The following GNAQ variants were observed in gnomAD, a reference collection of about 807,000 sequenced individuals.
GNAQ encodes guanine nucleotide-binding protein G(q) subunit alpha.
GNAQ carries 8 observed loss-of-function variants against 43.9 expected under a neutral mutation model. The ratio of observed to expected loss-of-function variants is 0.18; its 90% CI spans 0.11 to 0.33. The LOEUF (loss-of-function observed/expected upper bound fraction) is 0.33, where lower values mean the gene tolerates loss of function less well. Among genes scored for constraint, GNAQ ranks in the 10% least tolerant of loss-of-function variants. GNAQ has a pLI of 1.00. For synonymous variants in GNAQ, 155 were observed against 170.7 expected (o/e 0.91, Z 0.71); for missense variants, 158 against 450.8 (o/e 0.35, Z 5.88).
chr9:77,945,405 A>G (rs2118356524), intron 1 of GNAQ, among the ~76,000 whole-genome samples: 1 of 152,320 alleles, frequency 6.6e-6, no homozygotes, highest in South Asian at 2.1e-4. Flanking sequence ...AACTAAATGT[A>G]CTGCCTCAGG....
At chr9:77,893,294 CTCTGGTCA>C (rs1242019387) in intron 2 of GNAQ, among the ~76,000 whole-genome samples, 5 of 152,162 alleles carry the variant, frequency 3.3e-5, no homozygotes, top group African/African-American at 1.2e-4. Flanking sequence ...TGAAAGTGAG[CTCTGGTCA>C]TCCTCATTGC....
rs148036566 is a variant in GNAQ at position 77,742,761 on chromosome 9, A to C, written c.736-14094T>G. ...GACACAATCAGCTCCTTCTATAGTG[A>C]AGGACTGTGGGGTGGGATGGAAGAT... On this transcript the variant is annotated intron_variant, in intron 5 of 6. Transcript: ENST00000286548. 7.5e-3 allele frequency among the ~76,000 whole-genome samples: 1,146 copies of C among 152,320 alleles called. 9 individuals are homozygous for C. The highest frequency in any genetic ancestry group is 0.01 in the Non-Finnish European group (706 of 68,030).
chr9:77,909,638 A>C (rs907775923), intron 2 of GNAQ, among the ~76,000 whole-genome samples: 4 of 151,864 alleles, frequency 2.6e-5, no homozygotes, highest in African/African-American at 9.7e-5. Flanking sequence ...GATATATGCC[A>C]GTCCTTTCAG....
intron 5 of GNAQ, among the ~76,000 whole-genome samples, chr9:77,755,527 CAT>C (rs1330823891): frequency 1.7e-4 from 26 of 152,216 alleles, no homozygotes; most frequent in Non-Finnish European, 1.9e-4. Context: ...ACTTCAAGGA[CAT>C]ATGTCATGAA....
intron 5 of GNAQ, among the ~76,000 whole-genome samples, chr9:77,779,080 G>C (rs1040654686): frequency 7.2e-5 from 11 of 151,896 alleles, no homozygotes; most frequent in Non-Finnish European, 1.0e-4. Flanking sequence ...ATAATGGCCA[G>C]CTGTTGATTA....
chr9:77,987,130 G>A (rs72738421), intron 1 of GNAQ, among the ~76,000 whole-genome samples: 1,623 of 152,028 alleles, frequency 0.011, 21 homozygotes, highest in African/African-American at 0.036. Flanking sequence ...TTTGCCTGTC[G>A]TCATGTTGTT....
chr9:77,879,055 A>G (rs1039541171), intron 2 of GNAQ, among the ~76,000 whole-genome samples: 1 of 152,112 alleles, frequency 6.6e-6, no homozygotes, highest in Non-Finnish European at 1.5e-5. Context: ...CAAAAAAACA[A>G]AACAAACAAA....
At chr9:77,740,794 CA>C (rs1825641733) in intron 5 of GNAQ, among the ~76,000 whole-genome samples, 1 of 152,120 alleles carries the variant, frequency 6.6e-6, no homozygotes, top group Admixed American at 6.5e-5. Flanking sequence ...TGATAACTAG[CA>C]TTGTTTAGTA....
chr9:77,736,317 T>C (rs1433419601), intron 5 of GNAQ, among the ~76,000 whole-genome samples: 3 of 151,440 alleles, frequency 2.0e-5, no homozygotes, highest in Admixed American at 1.3e-4. Flanking sequence ...ACAAATGGAG[T>C]AGGTGGAGTG....
rs536830262 is a variant in GNAQ at position 77,752,350 on chromosome 9, CTCTA to C, written c.736-23687_736-23684del. Among the ~76,000 whole-genome samples the C allele has an allele frequency of 2.0e-3, 311 of 152,332 alleles. 2 individuals carry two copies. Among genetic ancestry groups the C allele is most frequent in the African/African-American group, 7.3e-3 (304 of 41,566 alleles). On this transcript the variant is annotated intron_variant, in intron 5 of 6. Transcript: ENST00000286548. ...TTAGATCCTTATTAGGAAGTGACTA[CTCTA>C]TCTGAGTCTATACTGACTAAAAAGT... is the stretch of plus-strand genomic sequence containing the variant.
At chr9:77,900,236 G>A (rs557234777) in intron 2 of GNAQ, among the ~76,000 whole-genome samples, 4 of 152,196 alleles carry the variant, frequency 2.6e-5, no homozygotes, top group Admixed American at 6.5e-5. Context: ...GAATGTGGAG[G>A]CCAGAGGTAT....
intron 2 of GNAQ, among the ~76,000 whole-genome samples, chr9:77,859,954 T>C (rs1028222145): frequency 1.1e-4 from 17 of 152,212 alleles, no homozygotes; most frequent in African/African-American, 4.1e-4. Context: ...AATGTTTAAC[T>C]TCTTCTTAGG....
rs551821553 is a variant in GNAQ at position 77,793,052 on chromosome 9, A to G, written c.735+1411T>C. 1.2e-4 allele frequency among the ~76,000 whole-genome samples: 18 copies of G among 152,254 alleles called. No individual in the cohort carries two copies. In the South Asian group the frequency reaches 3.3e-3, roughly 28 times the overall value. On this transcript the variant is annotated intron_variant, in intron 5 of 6. Coordinates refer to ENST00000286548, the MANE Select transcript of GNAQ (RefSeq NM_002072.5). ...TCTTGACACAACATTCAAAAAAATC[A>G]GAAGTGTTAGAATAGATCTGCTCCC... is the stretch of plus-strand genomic sequence containing the variant.
At chr9:77,748,420 C>T (rs535962972) in intron 5 of GNAQ, among the ~76,000 whole-genome samples, 1 of 152,304 alleles carries the variant, frequency 6.6e-6, no homozygotes, top group African/African-American at 2.4e-5. Flanking sequence ...AGCACTCACT[C>T]CTCCCCTGAT....
chr9:77,762,036 C>G (rs1393674545), intron 5 of GNAQ, among the ~76,000 whole-genome samples: 2 of 133,304 alleles, frequency 1.5e-5, no homozygotes, highest in Non-Finnish European at 3.3e-5. Flanking sequence ...AGTGAGGAGC[C>G]CCTCTGCCCG....
At chr9:78,004,608 T>C (rs1823683260) in intron 1 of GNAQ, among the ~76,000 whole-genome samples, 1 of 152,164 alleles carries the variant, frequency 6.6e-6, no homozygotes. Flanking sequence ...CTTTATTGGC[T>C]GCCTTCCCTT....
intron 3 of GNAQ, among the ~76,000 whole-genome samples, chr9:77,807,858 T>A (rs1316024219): frequency 6.6e-6 from 1 of 152,166 alleles, no homozygotes; most frequent in Non-Finnish European, 1.5e-5. Flanking sequence ...GACCATATGA[T>A]CTCTGTTACA....
chr9:77,965,575 C>G (rs1304083271), intron 1 of GNAQ, among the ~76,000 whole-genome samples: 3 of 152,064 alleles, frequency 2.0e-5, no homozygotes, highest in Non-Finnish European at 4.4e-5. Context: ...AAAAGTTATA[C>G]AGATGGCAAA....
At chr9:77,898,738 A>C (rs1172846484) in intron 2 of GNAQ, among the ~76,000 whole-genome samples, 2 of 152,152 alleles carry the variant, frequency 1.3e-5, no homozygotes, top group Non-Finnish European at 2.9e-5. Flanking sequence ...ACAAAATAAA[A>C]ATTGATCCTT....
Sources: allele counts gnomAD v4.1 joint callset (sites outside exome capture counted in the v4.1 genomes callset), GRCh38; gene constraint gnomAD v4.1.1; transcripts MANE v1.5; gene names NCBI Gene and HGNC (gene_info 2026-07-23, HGNC 2026-07-21).